Variants in FGF14 observed in about 807,000 individuals in gnomAD.
FGF14 encodes the protein fibroblast growth factor homologous factor 4.
A neutral mutation model predicts 25.5 loss-of-function variants in FGF14; 5 were observed. The ratio of observed to expected loss-of-function variants is 0.20; its 90% CI spans 0.10 to 0.41. The LOEUF is 0.41. Ranked by LOEUF, FGF14 falls within the 10% of genes least tolerant of loss-of-function variation. The pLI is 1.00. For synonymous variants in FGF14, 138 were observed against 118.3 expected, an observed-to-expected ratio of 1.17 and a Z score of -1.08; for missense variants, 222 against 320.1, an observed-to-expected ratio of 0.69 and a Z score of 2.34.
chr13:102,101,971 G>T (rs969152891), intron 1 of FGF14, among the ~76,000 whole-genome samples: 1 of 152,092 alleles, frequency 6.6e-6, no homozygotes, highest in Non-Finnish European at 1.5e-5. Context: ...CCAAAGTGCT[G>T]GGATTACAGG....
At chr13:102,366,770 TA>T (rs1364768795) in intron 1 of FGF14, among the ~76,000 whole-genome samples, 1 of 152,170 alleles carries the variant, frequency 6.6e-6, no homozygotes, top group Non-Finnish European at 1.5e-5. Flanking sequence ...GGTAATATCT[TA>T]AAACAGAAAA....
At chr13:101,922,702 AATTG>A (rs1321034296) in intron 1 of FGF14, among the ~76,000 whole-genome samples, 5 of 152,090 alleles carry the variant, frequency 3.3e-5, no homozygotes, top group Non-Finnish European at 5.9e-5. Flanking sequence ...ATTGAAATTG[AATTG>A]ATTATTAAAT....
chr13:101,874,122 G>A (rs898063956), intron 2 of FGF14, among the ~76,000 whole-genome samples: 3 of 151,868 alleles, frequency 2.0e-5, no homozygotes, highest in Admixed American at 6.6e-5. Flanking sequence ...ATTTTGTATC[G>A]CTAACTACTG....
At chr13:101,906,402 A>G (rs571266819) in intron 1 of FGF14, among the ~76,000 whole-genome samples, 3 of 152,352 alleles carry the variant, frequency 2.0e-5, no homozygotes, top group Admixed American at 1.3e-4. Context: ...TTTAAAGGGC[A>G]TGTTGTATCC....
At chr13:102,308,148 T>C (rs1332086841) in intron 1 of FGF14, among the ~76,000 whole-genome samples, 2 of 152,156 alleles carry the variant, frequency 1.3e-5, no homozygotes, top group African/African-American at 4.8e-5. Context: ...CTATTTCAGT[T>C]AACAGATTTC....
intron 1 of FGF14, among the ~76,000 whole-genome samples, chr13:102,177,581 G>T (rs2048499294): frequency 6.6e-6 from 1 of 151,960 alleles, no homozygotes; most frequent in African/African-American, 2.4e-5. Context: ...TTTTGCATCT[G>T]CTGATGTCTG....
intron 3 of FGF14, among the ~76,000 whole-genome samples, chr13:101,835,750 C>G (rs565072914): frequency 1.3e-5 from 2 of 152,074 alleles, no homozygotes; most frequent in Non-Finnish European, 2.9e-5. Flanking sequence ...ACTGTGCTTG[C>G]GGCTACCCAC....
chr13:101,881,200 T>C (rs2045690002), intron 1 of FGF14, among the ~76,000 whole-genome samples: 1 of 152,198 alleles, frequency 6.6e-6, no homozygotes. Context: ...TCTCACTAGC[T>C]TTTTGAATAT....
intron 1 of FGF14, among the ~76,000 whole-genome samples, chr13:102,376,158 G>A (rs2058035440): frequency 6.6e-6 from 1 of 152,094 alleles, no homozygotes; most frequent in Non-Finnish European, 1.5e-5. Flanking sequence ...GCAGAACCAG[G>A]TGGACATAAT....
At chr13:101,935,771 C>G (rs1326476589) in intron 1 of FGF14, among the ~76,000 whole-genome samples, 1 of 152,114 alleles carries the variant, frequency 6.6e-6, no homozygotes, top group East Asian at 1.9e-4. Context: ...AACATATGCC[C>G]CCCAAAACAA....
intron 1 of FGF14, among the ~76,000 whole-genome samples, chr13:102,098,189 A>G (rs1466431366): frequency 2.6e-5 from 4 of 152,000 alleles, no homozygotes; most frequent in Non-Finnish European, 5.9e-5. Flanking sequence ...CAGCAACAAG[A>G]GTTTCCTTTC....
At chr13:102,205,647 A>T (rs1292626814) in intron 1 of FGF14, among the ~76,000 whole-genome samples, 1 of 151,712 alleles carries the variant, frequency 6.6e-6, no homozygotes, top group Non-Finnish European at 1.5e-5. Flanking sequence ...CAAATGGGAG[A>T]TGCTAGACTG....
intron 4 of FGF14, among the ~76,000 whole-genome samples, chr13:101,726,021 T>G (rs1326869112): frequency 6.6e-6 from 1 of 151,972 alleles, no homozygotes; most frequent in African/African-American, 2.4e-5. Context: ...GTGGATAAAT[T>G]ATTTTAGTAA....
In FGF14 at chr13:102,169,375, C is replaced by A. The variant is rs150377698; in HGVS notation, c.208+232096G>T. On this transcript the variant is annotated intron_variant, in intron 1 of 4. Coordinates refer to the FGF14 transcript ENST00000376131. ...TAGACACCTGTACTTGGTCAGGCAGCCAATTTCTTTCATGCCCCTGAGGAC... is the reference window on the plus strand; with the variant it reads ...TAGACACCTGTACTTGGTCAGGCAGACAATTTCTTTCATGCCCCTGAGGAC... Among the ~76,000 whole-genome samples, 661 of 152,186 alleles carry A rather than the reference C, an allele frequency of 4.3e-3. 13 individuals are homozygous for A. The highest frequency in any genetic ancestry group is 0.015 in the African/African-American group (624 of 41,538).
chr13:101,733,490 G>C (rs1196266715), intron 3 of FGF14, among the ~76,000 whole-genome samples: 3 of 151,782 alleles, frequency 2.0e-5, no homozygotes, highest in Non-Finnish European at 4.4e-5. Context: ...AGCTACTCGG[G>C]AGGCTGAGGC....
intron 1 of FGF14, among the ~76,000 whole-genome samples, chr13:102,377,082 G>C (rs2058057807): frequency 6.6e-6 from 1 of 151,806 alleles, no homozygotes; most frequent in East Asian, 1.9e-4. Flanking sequence ...AAATATCTAG[G>C]TCACCTTTTT....
intron 1 of FGF14, among the ~76,000 whole-genome samples, chr13:102,078,607 A>G (rs2043473900): frequency 6.6e-6 from 1 of 152,162 alleles, no homozygotes; most frequent in South Asian, 2.1e-4. Context: ...CTTCTCATCC[A>G]ACTGCACTAT....
intron 3 of FGF14, among the ~76,000 whole-genome samples, chr13:101,832,913 G>T (rs1484842604): frequency 2.0e-5 from 3 of 151,958 alleles, no homozygotes; most frequent in African/African-American, 7.2e-5. Context: ...GAACTACCAG[G>T]GTTGCCATTC....
chr13:101,723,622 CTA>C (rs757667082), intron 4 of FGF14, among the ~76,000 whole-genome samples: 53 of 152,128 alleles, frequency 3.5e-4, no homozygotes, highest in Admixed American at 5.2e-4. Context: ...TCATTTTCTG[CTA>C]TGTTATTAAA....
Sources: gnomAD v4.1 joint callset for allele counts (sites outside exome capture counted in the v4.1 genomes callset) on GRCh38, gnomAD v4.1.1 for gene constraint, MANE v1.5 for transcripts, NCBI Gene and HGNC (gene_info 2026-07-23, HGNC 2026-07-21) for gene names.